HMGCLL1: variants seen among roughly 807,000 people sequenced by gnomAD.
The protein encoded by HMGCLL1 is 3-hydroxymethyl-3-methylglutaryl-CoA lyase, cytoplasmic.
A neutral mutation model predicts 39.1 loss-of-function variants in HMGCLL1; 36 were observed. The ratio of observed to expected loss-of-function variants is 0.92; its 90% confidence interval spans 0.71 to 1.22. HMGCLL1 has a LOEUF of 1.22. Ranked by LOEUF, HMGCLL1 falls within the 50% of genes most tolerant of loss-of-function variation. The pLI is 0.00. For synonymous variants in HMGCLL1, 149 were observed against 144.0 expected, an observed-to-expected ratio of 1.03 and a Z score of -0.25; for missense variants, 451 against 416.5, an observed-to-expected ratio of 1.08 and a Z score of -0.72.
At chr6:55,620,585 T>A in the HMGCLL1 span, among the ~76,000 whole-genome samples, 1 of 151,952 alleles carries the variant, frequency 6.6e-6, no homozygotes, top group Non-Finnish European at 1.5e-5. Flanking sequence ...AAATATCCCA[T>A]TTGTCCATTT....
the HMGCLL1 span, among the ~76,000 whole-genome samples, chr6:55,666,616 C>A: frequency 1.3e-5 from 2 of 151,614 alleles, no homozygotes; most frequent in Non-Finnish European, 3.0e-5. Context: ...TTATTTTACT[C>A]TAATATTTTC....
At chr6:55,512,061 TCAAA>T (rs1241534325) in intron 5 of HMGCLL1, 1 of 152,130 alleles carries the variant, frequency 6.6e-6, no homozygotes, top group Admixed American at 6.6e-5. Context: ...ATATTATTTG[TCAAA>T]CAATGAGTAT....
chr6:55,577,416 G>A (rs1245834376), intron 1 of HMGCLL1, among the ~76,000 whole-genome samples: 1 of 152,026 alleles, frequency 6.6e-6, no homozygotes, highest in Admixed American at 6.6e-5. Flanking sequence ...CAGTTGGTGG[G>A]TAAAAAGGCA....
intron 5 of HMGCLL1, among the ~76,000 whole-genome samples, chr6:55,501,745 T>C (rs915470924): frequency 6.6e-6 from 1 of 151,916 alleles, no homozygotes; most frequent in African/African-American, 2.4e-5. Context: ...TTATTTTATA[T>C]AATTTTTAAA....
At chr6:55,574,083 A>G (rs1351956680) in intron 1 of HMGCLL1, among the ~76,000 whole-genome samples, 2 of 152,072 alleles carry the variant, frequency 1.3e-5, no homozygotes, top group African/African-American at 4.8e-5. Flanking sequence ...GTTTATAGTA[A>G]ACATTCATTT....
chr6:55,668,931 G>A, the HMGCLL1 span, among the ~76,000 whole-genome samples: 2 of 151,602 alleles, frequency 1.3e-5, no homozygotes, highest in African/African-American at 4.8e-5. Flanking sequence ...TTTCCACTTG[G>A]TAGAGCTGTG....
intron 7 of HMGCLL1, among the ~76,000 whole-genome samples, chr6:55,443,157 T>C (rs1763677297): frequency 6.6e-6 from 1 of 152,186 alleles, no homozygotes; most frequent in Non-Finnish European, 1.5e-5. Flanking sequence ...GAGTTTCTTA[T>C]CTATCTCACC....
chr6:55,666,474 T>C, the HMGCLL1 span, among the ~76,000 whole-genome samples: 87 of 151,730 alleles, frequency 5.7e-4, no homozygotes, highest in South Asian at 4.4e-3. Flanking sequence ...CCCCTTGCCA[T>C]GTCAAAGAAA....
chr6:55,547,847 A>G (rs552099686), intron 1 of HMGCLL1, among the ~76,000 whole-genome samples: 1 of 152,160 alleles, frequency 6.6e-6, no homozygotes, highest in East Asian at 1.9e-4. Flanking sequence ...TTTCTGTTTT[A>G]ATCAAATATA....
At chr6:55,551,052 A>C (rs1369316668) in intron 1 of HMGCLL1, among the ~76,000 whole-genome samples, 1 of 151,754 alleles carries the variant, frequency 6.6e-6, no homozygotes, top group Admixed American at 6.6e-5. Context: ...ACCAAAAAAA[A>C]AAAAATAAAC....
intron 1 of HMGCLL1, among the ~76,000 whole-genome samples, chr6:55,566,041 T>C (rs968908217): frequency 2.0e-5 from 3 of 152,132 alleles, no homozygotes; most frequent in African/African-American, 4.8e-5. Context: ...AAATTGTGTC[T>C]AACAAAAATA....
chr6:55,594,861 C>T, the HMGCLL1 span, among the ~76,000 whole-genome samples: 1 of 152,130 alleles, frequency 6.6e-6, no homozygotes, highest in South Asian at 2.1e-4. Flanking sequence ...CTCAGATATA[C>T]ATGAATTACA....
chr6:55,572,990 G>A (rs1221974863), intron 1 of HMGCLL1, among the ~76,000 whole-genome samples: 1 of 152,176 alleles, frequency 6.6e-6, no homozygotes, highest in Non-Finnish European at 1.5e-5. Flanking sequence ...CAACTGAGAA[G>A]CCAAAACCAT....
At chr6:55,525,797 T>A (rs1042947322) in intron 3 of HMGCLL1, among the ~76,000 whole-genome samples, 6 of 151,984 alleles carry the variant, frequency 3.9e-5, no homozygotes, top group African/African-American at 1.4e-4. Flanking sequence ...TTTATATGCA[T>A]GGTTTAGAAA....
At chr6:55,636,992 C>G in the HMGCLL1 span, among the ~76,000 whole-genome samples, 1 of 152,036 alleles carries the variant, frequency 6.6e-6, no homozygotes. Context: ...ATTACTTCCT[C>G]CACACAATAC....
the HMGCLL1 span, among the ~76,000 whole-genome samples, chr6:55,618,775 T>A: frequency 4.6e-5 from 7 of 152,120 alleles, no homozygotes; most frequent in African/African-American, 1.7e-4. Context: ...GAGATTTTAC[T>A]GAAATTTAAA....
intron 1 of HMGCLL1, among the ~76,000 whole-genome samples, chr6:55,542,501 C>T (rs374500090): frequency 6.6e-6 from 1 of 151,844 alleles, no homozygotes; most frequent in Non-Finnish European, 1.5e-5. Context: ...ACATCTTGAC[C>T]AGGCACAGTG....
At chr6:55,499,809 T>A (rs1318425246) in intron 5 of HMGCLL1, among the ~76,000 whole-genome samples, 1 of 151,872 alleles carries the variant, frequency 6.6e-6, no homozygotes, top group Admixed American at 6.6e-5. Flanking sequence ...GTTCATTTTT[T>A]CTCTCTCTCT....
the HMGCLL1 span, among the ~76,000 whole-genome samples, chr6:55,618,667 AAAAG>A: frequency 2.8e-4 from 43 of 152,244 alleles, no homozygotes; most frequent in Middle Eastern, 6.8e-3. Context: ...AGAGGAAAAG[AAAAG>A]AAAGAGTCTA....
Sources: allele counts gnomAD v4.1 joint callset (sites outside exome capture counted in the v4.1 genomes callset), GRCh38; gene constraint gnomAD v4.1.1; transcripts MANE v1.5; gene names NCBI Gene and HGNC (gene_info 2026-07-23, HGNC 2026-07-21).